ABLIM2: variants seen among roughly 807,000 people sequenced by gnomAD.
ABLIM2 encodes the protein actin-binding LIM protein 2.
Under a neutral mutation model 97.7 loss-of-function variants are expected in ABLIM2, and 53 were observed. The observed-to-expected ratio is 0.54, with a 90% confidence interval of 0.44 to 0.68. ABLIM2 has a LOEUF of 0.68. ABLIM2 is among the 30% of genes least tolerant of loss of function. The probability of loss-of-function intolerance (pLI) is 0.00; values close to 1 mark genes in which losing one functional copy is unlikely to be tolerated. For synonymous variants in ABLIM2, 361 were observed against 345.8 expected (o/e 1.04, Z -0.49); for missense variants, 835 against 867.2 (o/e 0.96, Z 0.47).
intron 2 of ABLIM2, 114 bp from the exon 3 acceptor site, chr4:8,097,396 G>A: frequency 7.7e-7 from 1 of 1,305,320 alleles, no homozygotes; most frequent in South Asian, 1.4e-5. Flanking sequence ...CAGGCACTGA[G>A]GCCTCGGCAC....
intron 1 of ABLIM2, among the ~76,000 whole-genome samples, chr4:8,107,227 G>C (rs1837909620): frequency 6.6e-6 from 1 of 152,268 alleles, no homozygotes; most frequent in South Asian, 2.1e-4. Context: ...TTTAAGGAGT[G>C]GATGGATGGA....
intron 2 of ABLIM2, among the ~76,000 whole-genome samples, chr4:8,103,622 G>T (rs1554085672): frequency 3.3e-5 from 5 of 152,186 alleles, no homozygotes; most frequent in Non-Finnish European, 5.9e-5. Flanking sequence ...GTGATGGAGT[G>T]TGAGTCCCCA....
Position 7,970,187 on chromosome 4 carries a change from G to A in ABLIM2, c.1825-3084C>T, listed in dbSNP as rs1726629632. On this transcript the variant is annotated intron_variant, in intron 20 of 20. Transcript: ENST00000447017. The surrounding 1 kb of genome is among the most constrained non-coding windows in gnomAD (Gnocchi z 5.3). ...GCCCCTGGCAGGGGTAGGCTGGGGT[G>A]GTGAACTGACACGTAAGTAAATATG... 6.6e-6 allele frequency among the ~76,000 whole-genome samples: 1 copy of A among 152,178 alleles called. No homozygotes were observed. Among genetic ancestry groups the A allele is most frequent in the Non-Finnish European group, 1.5e-5 (1 of 68,040 alleles).
At chr4:8,151,068 G>C (rs780812137) in intron 1 of ABLIM2, among the ~76,000 whole-genome samples, 6 of 152,174 alleles carry the variant, frequency 3.9e-5, no homozygotes, top group Non-Finnish European at 8.8e-5. Flanking sequence ...GTCATCACCT[G>C]TACTTTTTAT....
Position 8,072,758 on chromosome 4 carries a change from G to C in ABLIM2, c.675+4870C>G, listed in dbSNP as rs1813148341. Among the ~76,000 whole-genome samples the C allele has an allele frequency of 6.6e-6, 1 of 152,184 alleles. No homozygotes were observed. The highest frequency in any genetic ancestry group is 6.5e-5 in the Admixed American group (1 of 15,290). On this transcript the variant is annotated intron_variant, in intron 6 of 20. Transcript: ENST00000447017. This position sits in a 1 kb window ranked among gnomAD's most constrained non-coding sequence, Gnocchi z 5.8. ...AGGCAGTGTGTATGTGGCGGAGGGAGAGTGCCTGCATGTGGTGTTGGCCTG... is the reference window on the plus strand; with the variant it reads ...AGGCAGTGTGTATGTGGCGGAGGGACAGTGCCTGCATGTGGTGTTGGCCTG...
intron 12 of ABLIM2, among the ~76,000 whole-genome samples, chr4:8,026,074 C>T (rs547451067): frequency 2.0e-5 from 3 of 152,320 alleles, no homozygotes; most frequent in Non-Finnish European, 2.9e-5. Context: ...GTGGCACAAT[C>T]GTAGCTCACT....
Position 8,133,986 on chromosome 4 carries a change from AG to A in ABLIM2, c.10+24693del, listed in dbSNP as rs1012636747. 1.4e-3 allele frequency among the ~76,000 whole-genome samples: 215 copies of A among 148,986 alleles called. 1 individual carries two copies. The highest frequency in any genetic ancestry group is 5.3e-3 in the African/African-American group (206 of 39,236). On this transcript the variant is annotated intron_variant, in intron 1 of 20. Transcript: ENST00000447017. Reference sequence around the variant, plus strand: ...GTCATGCATGAAGCTGGCAGGTTGCAGGGGGGGGTGACGAACAGTGAACAGC... The same window carrying A: ...GTCATGCATGAAGCTGGCAGGTTGCAGGGGGGGTGACGAACAGTGAACAGC...
At chr4:8,049,889 G>A (rs1794897086) in intron 8 of ABLIM2, among the ~76,000 whole-genome samples, 1 of 152,124 alleles carries the variant, frequency 6.6e-6, no homozygotes, top group Non-Finnish European at 1.5e-5. Flanking sequence ...CACCATGCCT[G>A]GCTAAGTTTT....
chr4:8,050,683 C>T (rs1471126885), intron 8 of ABLIM2, among the ~76,000 whole-genome samples: 1 of 152,152 alleles, frequency 6.6e-6, no homozygotes, highest in Non-Finnish European at 1.5e-5. Context: ...CCTGACGGAA[C>T]AAAACAGAGC....
intron 1 of ABLIM2, among the ~76,000 whole-genome samples, chr4:8,143,159 TG>T (rs1554123507): frequency 0.036 from 2,235 of 61,274 alleles, 110 homozygotes; most frequent in African/African-American, 0.12. Flanking sequence ...GGGGCGAGAG[TG>T]GGGGGGGGGG....
rs550466103 is a variant in ABLIM2 at position 7,992,167 on chromosome 4, A to G, written c.1680+699T>C. Among the ~76,000 whole-genome samples, 1 of 152,164 alleles carries G rather than the reference A, an allele frequency of 6.6e-6. No homozygotes were observed. Among genetic ancestry groups the G allele is most frequent in the South Asian group, 2.1e-4 (1 of 4,814 alleles). On this transcript the variant is annotated intron_variant, in intron 17 of 20. Coordinates refer to ENST00000447017, the MANE Select transcript of ABLIM2 (RefSeq NM_001130083.2). This position sits in a 1 kb window ranked among gnomAD's most constrained non-coding sequence, Gnocchi z 5.7. ...TGGGGACCCCTGTGACGCTGTGGGCAGAGGAACAAACATAAGCCGCTCTTC... is the reference window on the plus strand; with the variant it reads ...TGGGGACCCCTGTGACGCTGTGGGCGGAGGAACAAACATAAGCCGCTCTTC...
At chr4:8,106,851 A>G (rs560147622) in intron 1 of ABLIM2, among the ~76,000 whole-genome samples, 1 of 152,126 alleles carries the variant, frequency 6.6e-6, no homozygotes, top group Non-Finnish European at 1.5e-5. Context: ...CCAGAGGGAG[A>G]AGGTCATCTG....
intron 18 of ABLIM2, among the ~76,000 whole-genome samples, chr4:7,984,232 G>A (rs1346052530): frequency 6.6e-6 from 1 of 152,224 alleles, no homozygotes; most frequent in African/African-American, 2.4e-5. Flanking sequence ...GGACCTGCTG[G>A]CTCTGAGGCC....
rs992489135 is a variant in ABLIM2, at chr4:8,003,027, C to T, written c.1618+5032G>A. 3.3e-5 allele frequency among the ~76,000 whole-genome samples: 5 copies of T among 152,188 alleles called. No homozygotes were observed. Among genetic ancestry groups the T allele is most frequent in the African/African-American group, 1.2e-4 (5 of 41,440 alleles). ...TGTCTCCCAGCCCCTAGTAGAATGTCGGCTCCCCAGACAGGGAACTTTGTC... is the reference window on the plus strand; with the variant it reads ...TGTCTCCCAGCCCCTAGTAGAATGTTGGCTCCCCAGACAGGGAACTTTGTC... On this transcript the variant is annotated intron_variant, in intron 16 of 20. Coordinates refer to ENST00000447017, the MANE Select transcript of ABLIM2 (RefSeq NM_001130083.2). The surrounding 1 kb of genome is among the most constrained non-coding windows in gnomAD (Gnocchi z 4.2).
At chr4:8,029,804 A>C (rs1779721938) in intron 10 of ABLIM2, 28 bp from the exon 11 acceptor site, 2 of 1,558,968 alleles carry the variant, frequency 1.3e-6, no homozygotes, top group Non-Finnish European at 1.7e-6. Context: ...GCTTGTGAAC[A>C]CTGGAGCCGG....
At chr4:7,984,744 A>C in intron 18 of ABLIM2, 95 bp downstream of exon 18, 1 of 1,356,572 alleles carries the variant, frequency 7.4e-7, no homozygotes, top group South Asian at 1.5e-5. Flanking sequence ...AGCCTTCTGC[A>C]GGCTGCGGAT....
At chr4:8,027,307 C>G (rs1778045670) in intron 12 of ABLIM2, among the ~76,000 whole-genome samples, 1 of 152,232 alleles carries the variant, frequency 6.6e-6, no homozygotes, top group Non-Finnish European at 1.5e-5. Flanking sequence ...TGGAGCCACA[C>G]TGGGTGTGAA....
Position 8,071,663 on chromosome 4 carries a change from G to A in ABLIM2, c.675+5965C>T. 1 of 969,640 alleles carries A rather than the reference G, an allele frequency of 1.0e-6. No homozygotes were observed. Among genetic ancestry groups the A allele is most frequent in the South Asian group, 4.8e-5 (1 of 21,014 alleles). The allele number at this position is 969,640 out of a possible 1,614,324, so 60.1% of individuals were successfully genotyped here. On this transcript the variant is annotated intron_variant, in intron 6 of 20. Coordinates refer to ENST00000447017, the MANE Select transcript of ABLIM2 (RefSeq NM_001130083.2). This position sits in a 1 kb window ranked among gnomAD's most constrained non-coding sequence, Gnocchi z 6.2. ...GGGTGGGGGAACAGGTGGCTCCGAG[G>A]TCTCACACCTGACTGCTCTGTCCCC...
At chr4:8,144,022 T>C (rs1220413521) in intron 1 of ABLIM2, among the ~76,000 whole-genome samples, 2 of 152,164 alleles carry the variant, frequency 1.3e-5, no homozygotes, top group African/African-American at 4.8e-5. Context: ...CCCTGAAAGC[T>C]GCCCCTTGGG....
Sources: gnomAD v4.1 joint callset for allele counts (sites outside exome capture counted in the v4.1 genomes callset) on GRCh38, gnomAD v4.1.1 for gene constraint, Gnocchi (gnomAD v3.1) non-coding constraint, MANE v1.5 for transcripts, NCBI Gene and HGNC (gene_info 2026-07-23, HGNC 2026-07-21) for gene names.